The following TMPRSS12 variants were observed in gnomAD, a reference collection of about 807,000 sequenced individuals.
TMPRSS12 encodes transmembrane protease serine 12.
Under a neutral mutation model 26.0 loss-of-function variants are expected in TMPRSS12, and 25 were observed. That is an observed-to-expected ratio of 0.96 (90% confidence interval 0.70 to 1.34). The LOEUF (loss-of-function observed/expected upper bound fraction) is 1.34, where lower values mean the gene tolerates loss of function less well. Among genes scored for constraint, TMPRSS12 ranks in the 40% most tolerant of loss-of-function variants. The pLI is 0.00. For synonymous variants in TMPRSS12, 150 were observed against 161.7 expected (o/e 0.93, Z 0.55); for missense variants, 441 against 440.1 (o/e 1.00, Z -0.02).
At chr12:50,849,334 C>T (rs1937802878) in intron 2 of TMPRSS12, among the ~76,000 whole-genome samples, 1 of 152,184 alleles carries the variant, frequency 6.6e-6, no homozygotes, top group African/African-American at 2.4e-5. Context: ...CCTGTTGGAT[C>T]TATTTTTCTT....
intron 2 of TMPRSS12, among the ~76,000 whole-genome samples, chr12:50,854,309 C>T (rs1348017978): frequency 1.3e-5 from 2 of 152,054 alleles, no homozygotes; most frequent in African/African-American, 4.8e-5. Context: ...AAGGAACATA[C>T]CTCAAAATAA....
intron 3 of TMPRSS12, among the ~76,000 whole-genome samples, chr12:50,881,831 C>T (rs1008049265): frequency 6.7e-6 from 1 of 149,894 alleles, no homozygotes; most frequent in Non-Finnish European, 1.5e-5. Context: ...ATTAGCTGGG[C>T]GTGGTGGCGT....
At chr12:50,874,887 G>A (rs1054694645) in intron 3 of TMPRSS12, among the ~76,000 whole-genome samples, 5 of 152,022 alleles carry the variant, frequency 3.3e-5, no homozygotes, top group South Asian at 4.1e-4. Context: ...CCAAGGAGGC[G>A]AAAGATCTCT....
rs535946576 is a variant in TMPRSS12 at position 50,879,176 on chromosome 12, G to T, written c.653-6070G>T. Reference sequence around the variant, plus strand: ...AATAATTAACTCAAAATGGATCATAGACCTAAGTATAAGAGCTACAGTTGC... The same window carrying T: ...AATAATTAACTCAAAATGGATCATATACCTAAGTATAAGAGCTACAGTTGC... On this transcript the variant is annotated intron_variant, in intron 3 of 4. Transcript: ENST00000398458. Among the ~76,000 whole-genome samples, 4 of 152,288 alleles carry T rather than the reference G, an allele frequency of 2.6e-5. No homozygotes were observed. The East Asian group carries it at 5.8e-4, about 22-fold the overall frequency.
chr12:50,866,101 A>G (rs1172702962), intron 3 of TMPRSS12, among the ~76,000 whole-genome samples: 1 of 152,136 alleles, frequency 6.6e-6, no homozygotes, highest in African/African-American at 2.4e-5. Flanking sequence ...GGCTGGCATC[A>G]TGAATTTTAG....
At chr12:50,874,240 C>T (rs1938092844) in intron 3 of TMPRSS12, among the ~76,000 whole-genome samples, 1 of 152,006 alleles carries the variant, frequency 6.6e-6, no homozygotes, top group Non-Finnish European at 1.5e-5. Flanking sequence ...GTATTATTAT[C>T]CTGACACCAA....
At chr12:50,865,657 C>A (rs1303318121) in intron 3 of TMPRSS12, among the ~76,000 whole-genome samples, 1 of 149,862 alleles carries the variant, frequency 6.7e-6, no homozygotes, top group Non-Finnish European at 1.5e-5. Flanking sequence ...CAAAACAAAA[C>A]GTAATCCCCT....
intron 3 of TMPRSS12, among the ~76,000 whole-genome samples, chr12:50,875,585 T>C (rs935975830): frequency 2.1e-5 from 3 of 145,760 alleles, no homozygotes; most frequent in African/African-American, 5.1e-5. Flanking sequence ...CATAGACCAA[T>C]AGAACAGAAT....
intron 2 of TMPRSS12, among the ~76,000 whole-genome samples, chr12:50,852,766 TA>T (rs1206515348): frequency 6.6e-6 from 1 of 152,128 alleles, no homozygotes; most frequent in East Asian, 1.9e-4. Flanking sequence ...TACATAATGA[TA>T]AAGGGTTCAA....
intron 2 of TMPRSS12, among the ~76,000 whole-genome samples, chr12:50,851,342 ACAG>A (rs1342561842): frequency 6.6e-6 from 1 of 152,218 alleles, no homozygotes; most frequent in Non-Finnish European, 1.5e-5. Context: ...GAAAGATGAA[ACAG>A]CCATTTTAAG....
chr12:50,877,139 G>A (rs1388129789), intron 3 of TMPRSS12, among the ~76,000 whole-genome samples: 1 of 152,152 alleles, frequency 6.6e-6, no homozygotes, highest in African/African-American at 2.4e-5. Context: ...TACCCTGGGT[G>A]ACAGGATCAG....
At position 50,887,763 on chromosome 12, in the gene TMPRSS12, A is replaced by C. The variant is rs2139741535; in HGVS notation, c.*250A>C. The C allele has an allele frequency of 3.0e-6, 1 of 333,518 alleles. No individual in the cohort carries two copies. Among genetic ancestry groups the C allele is most frequent in the African/African-American group, 2.1e-5 (1 of 47,064 alleles). 20.7% of individuals were successfully genotyped at this position (333,518 alleles called of 1,614,324 possible). A position where few individuals can be genotyped will look rare whatever the true frequency, so the allele number is the denominator to read the frequency against. ...TCTGGAATACTCATAGAGTTTGTAC[A>C]AAATATTCAGTTAAACATATATTTT... On this transcript the variant is annotated 3_prime_UTR_variant, in exon 5 of 5. Coordinates refer to ENST00000398458, the MANE Select transcript of TMPRSS12 (RefSeq NM_182559.3).
At chr12:50,863,027 TA>T (rs1236769262) in intron 3 of TMPRSS12, among the ~76,000 whole-genome samples, 1 of 151,680 alleles carries the variant, frequency 6.6e-6, no homozygotes, top group African/African-American at 2.4e-5. Flanking sequence ...ACCTCGTCGC[TA>T]AAAAAATTAG....
chr12:50,847,911 A>G (rs954057504), intron 2 of TMPRSS12: 2 of 151,614 alleles, frequency 1.3e-5, no homozygotes, highest in Non-Finnish European at 2.9e-5. Flanking sequence ...ATATATATAT[A>G]TATATACACA....
At chr12:50,859,228 T>G (rs1286166644) in intron 3 of TMPRSS12, among the ~76,000 whole-genome samples, 175 bp downstream of exon 3, 1 of 151,862 alleles carries the variant, frequency 6.6e-6, no homozygotes, top group Non-Finnish European at 1.5e-5. Flanking sequence ...CCTTTTTTTT[T>G]TTTTCCAGAC....
chr12:50,846,100 TC>T (rs1937764067), intron 2 of TMPRSS12, among the ~76,000 whole-genome samples: 1 of 152,240 alleles, frequency 6.6e-6, no homozygotes, highest in Non-Finnish European at 1.5e-5. Context: ...CTTTTCACTC[TC>T]GATATTGTCC....
At chr12:50,847,429 A>T (rs1437579632) in intron 2 of TMPRSS12, among the ~76,000 whole-genome samples, 1 of 152,166 alleles carries the variant, frequency 6.6e-6, no homozygotes, top group East Asian at 1.9e-4. Flanking sequence ...ATATTGGGGA[A>T]AAGATTGCTT....
intron 3 of TMPRSS12, among the ~76,000 whole-genome samples, chr12:50,883,976 C>T (rs57510230): frequency 0.043 from 6,608 of 152,154 alleles, 494 homozygotes; most frequent in African/African-American, 0.15. Flanking sequence ...CTCTGGGACC[C>T]AGGCAAGAGG....
At chr12:50,857,814 T>C (rs1243800096) in intron 2 of TMPRSS12, among the ~76,000 whole-genome samples, 2 of 143,560 alleles carry the variant, frequency 1.4e-5, no homozygotes, top group Non-Finnish European at 3.1e-5. Context: ...TTGTCGTTGT[T>C]GTCGTTGTTG....
Sources: gnomAD v4.1 joint callset for allele counts (sites outside exome capture counted in the v4.1 genomes callset) on GRCh38, gnomAD v4.1.1 for gene constraint, MANE v1.5 for transcripts, NCBI Gene and HGNC (gene_info 2026-07-23, HGNC 2026-07-21) for gene names.